PUDP: variants seen among roughly 807,000 people sequenced by gnomAD.
The protein encoded by PUDP is pseudouridine 5'-phosphatase, also known as pseudouridine-5'-phosphatase.
PUDP carries 8 observed loss-of-function variants against 9.4 expected under a neutral mutation model. The observed-to-expected ratio is 0.85, with a 90% confidence interval of 0.50 to 1.53. The LOEUF (loss-of-function observed/expected upper bound fraction) is 1.53, where lower values mean the gene tolerates loss of function less well. PUDP is among the 40% of genes most tolerant of loss of function. PUDP has a pLI of 0.00. For missense variants in PUDP, 188 were observed against 189.7 expected (o/e 0.99, Z 0.05); for synonymous variants, 99 against 80.7 (o/e 1.23, Z -1.22).
intron 1 of PUDP, among the ~76,000 whole-genome samples, chrX:6,982,104 TACAC>T (rs932504062): frequency 1.1e-5 from 1 of 88,782 alleles, no homozygotes; most frequent in Admixed American, 1.2e-4. Context: ...GACACACACA[TACAC>T]ACACACACAC....
chrX:6,983,882 T>C (rs1265654803), intron 1 of PUDP, among the ~76,000 whole-genome samples: 1 of 112,347 alleles, frequency 8.9e-6, no homozygotes, highest in East Asian at 2.8e-4. Flanking sequence ...ACCAATGGAA[T>C]TGTCTAGAGG....
At chrX:6,897,518 T>C (rs1403377096) in intron 3 of PUDP, among the ~76,000 whole-genome samples, 2 of 111,661 alleles carry the variant, frequency 1.8e-5, no homozygotes, top group Admixed American at 9.5e-5. Context: ...AGTCAGACTG[T>C]TGAATTTCAG....
At chrX:6,759,356 C>T (rs1047245355) in intron 3 of PUDP, among the ~76,000 whole-genome samples, 9 of 112,150 alleles carry the variant, frequency 8.0e-5, no homozygotes, top group Admixed American at 4.7e-4. Context: ...ATCCATTATG[C>T]CATGAATTTA....
Position 6,763,256 on chromosome X carries a change from A to G in PUDP, c.*248-56790T>C, listed in dbSNP as rs773675567. On this transcript the variant is annotated intron_variant and NMD_transcript_variant, in intron 3 of 3. Transcript: ENST00000655425. ...TTACAAAAATTAGCCGGGTGTGGTG[A>G]TGTGTGCCTGTGGTCCCAGCTACTT... Among the ~76,000 whole-genome samples, 5 of 110,997 alleles carry G rather than the reference A, an allele frequency of 4.5e-5. No homozygotes were observed. The South Asian group carries it at 1.9e-3, about 43-fold the overall frequency.
At chrX:7,127,865 T>C (rs1260955905) in intron 1 of PUDP, among the ~76,000 whole-genome samples, 1 of 112,518 alleles carries the variant, frequency 8.9e-6, no homozygotes, top group Non-Finnish European at 1.9e-5. Context: ...AAGATGATTA[T>C]TGACTAAAAG....
At chrX:6,868,811 C>A (rs1203240471) in intron 3 of PUDP, among the ~76,000 whole-genome samples, 1 of 111,805 alleles carries the variant, frequency 8.9e-6, no homozygotes, top group Non-Finnish European at 1.9e-5. Flanking sequence ...AAATTAGGAG[C>A]CACCAGCCTG....
At chrX:6,901,979 T>C (rs1003103311) in intron 3 of PUDP, among the ~76,000 whole-genome samples, 1 of 110,782 alleles carries the variant, frequency 9.0e-6, no homozygotes, top group Non-Finnish European at 1.9e-5. Context: ...GCACAAGCGA[T>C]TCTTCCCCCT....
intron 1 of PUDP, among the ~76,000 whole-genome samples, chrX:7,015,235 C>T (rs933750001): frequency 4.5e-5 from 5 of 111,722 alleles, no homozygotes; most frequent in African/African-American, 1.6e-4. Flanking sequence ...AGAATGAAGG[C>T]CCAAAGATAC....
chrX:7,011,512 TC>T (rs1569139321), intron 1 of PUDP, among the ~76,000 whole-genome samples: 4 of 110,263 alleles, frequency 3.6e-5, no homozygotes, highest in African/African-American at 6.6e-5. Flanking sequence ...CCTCCTTCCT[TC>T]CCTCATGAAA....
intron 3 of PUDP, among the ~76,000 whole-genome samples, chrX:6,894,523 G>A (rs1191092780): frequency 2.7e-5 from 3 of 112,246 alleles, no homozygotes; most frequent in Non-Finnish European, 5.6e-5. Flanking sequence ...TCAGCTCTTG[G>A]AGTGAGATTT....
At chrX:6,851,934 T>G (rs933423091) in intron 3 of PUDP, among the ~76,000 whole-genome samples, 7 of 112,263 alleles carry the variant, frequency 6.2e-5, no homozygotes, top group Non-Finnish European at 1.3e-4. Flanking sequence ...TACTAACTAA[T>G]TTTGACTGTT....
At chrX:6,719,192 G>C (rs761052672) in intron 1 of PUDP, among the ~76,000 whole-genome samples, 1 of 111,777 alleles carries the variant, frequency 8.9e-6, no homozygotes, top group East Asian at 2.8e-4. Context: ...TGTGGGCAAG[G>C]CTGGTTCCTC....
intron 3 of PUDP, among the ~76,000 whole-genome samples, chrX:6,873,315 C>T (rs1296296778): frequency 1.8e-5 from 2 of 111,608 alleles, no homozygotes; most frequent in Non-Finnish European, 3.8e-5. Context: ...TAAGTTACTA[C>T]GAATCAAAGA....
intron 1 of PUDP, among the ~76,000 whole-genome samples, chrX:7,107,535 G>C: frequency 8.9e-6 from 1 of 112,892 alleles, no homozygotes. Flanking sequence ...GCGACTAAAG[G>C]AGAGTTATGG....
At chrX:6,889,599 G>C (rs1199487795) in intron 3 of PUDP, among the ~76,000 whole-genome samples, 1 of 112,344 alleles carries the variant, frequency 8.9e-6, no homozygotes, top group African/African-American at 3.2e-5. Flanking sequence ...TCCATAAATA[G>C]TTGTTGGATT....
chrX:7,000,096 T>C (rs1014895351), intron 1 of PUDP, among the ~76,000 whole-genome samples: 3 of 102,131 alleles, frequency 2.9e-5, no homozygotes, highest in Non-Finnish European at 6.0e-5. Flanking sequence ...CAAGACTGAA[T>C]AGAAGCGAGA....
At chrX:7,038,222 G>A (rs1929878752) in intron 1 of PUDP, among the ~76,000 whole-genome samples, 2 of 112,349 alleles carry the variant, frequency 1.8e-5, no homozygotes, top group African/African-American at 6.5e-5. Flanking sequence ...TCAACATGCT[G>A]TTGTGCAGAA....
intron 3 of PUDP, among the ~76,000 whole-genome samples, chrX:6,804,485 A>C (rs1926016654): frequency 8.9e-6 from 1 of 112,157 alleles, no homozygotes; most frequent in Non-Finnish European, 1.9e-5. Flanking sequence ...GAATGGTGAA[A>C]AAAAATGTGC....
At chrX:6,946,720 A>C (rs1298254170) in intron 3 of PUDP, among the ~76,000 whole-genome samples, 1 of 111,997 alleles carries the variant, frequency 8.9e-6, no homozygotes, top group Non-Finnish European at 1.9e-5. Context: ...AATGTAAAAA[A>C]AAATCACAAA....
Sources: allele counts gnomAD v4.1 joint callset (sites outside exome capture counted in the v4.1 genomes callset), GRCh38; gene constraint gnomAD v4.1.1; transcripts MANE v1.5; gene names NCBI Gene and HGNC (gene_info 2026-07-23, HGNC 2026-07-21).